CPEB3: variants seen among roughly 807,000 people sequenced by gnomAD.
CPEB3 encodes cytoplasmic polyadenylation element binding protein 3, also known as cytoplasmic polyadenylation element-binding protein 3.
A neutral mutation model predicts 67.2 loss-of-function variants in CPEB3; 20 were observed. The ratio of observed to expected loss-of-function variants is 0.30; its 90% CI spans 0.21 to 0.43. The LOEUF is 0.43. Among genes scored for constraint, CPEB3 ranks in the 20% least tolerant of loss-of-function variants. The pLI, the probability that CPEB3 is intolerant of heterozygous loss-of-function variation, is 1.00. For missense variants in CPEB3, 746 were observed against 968.6 expected, an observed-to-expected ratio of 0.77 and a Z score of 3.05; for synonymous variants, 376 against 393.1, an observed-to-expected ratio of 0.96 and a Z score of 0.51.
chr10:92,193,764 T>A (rs1319374316), intron 2 of CPEB3, among the ~76,000 whole-genome samples: 1 of 151,982 alleles, frequency 6.6e-6, no homozygotes, highest in African/African-American at 2.4e-5. Flanking sequence ...ATAATTTCAA[T>A]GAAAATGTAT....
chr10:92,193,159 C>G, intron 2 of CPEB3, among the ~76,000 whole-genome samples: 1 of 152,116 alleles, frequency 6.6e-6, no homozygotes, highest in South Asian at 2.1e-4. Flanking sequence ...TTGCAGTGAG[C>G]TGAGGTCACA....
intron 2 of CPEB3, among the ~76,000 whole-genome samples, chr10:92,218,835 A>T (rs756806995): frequency 1.6e-4 from 24 of 151,648 alleles, no homozygotes; most frequent in Admixed American, 3.3e-4. Flanking sequence ...CTCTTTTCAG[A>T]CAGGGTCTCA....
At chr10:92,076,167 T>C (rs1842925028) in intron 9 of CPEB3, 1 of 152,196 alleles carries the variant, frequency 6.6e-6, no homozygotes, top group Admixed American at 6.5e-5. Context: ...ATATTTATAA[T>C]GATGCAGACA....
chr10:92,224,519 A>G (rs1850865729), intron 2 of CPEB3, among the ~76,000 whole-genome samples: 1 of 151,946 alleles, frequency 6.6e-6, no homozygotes, highest in African/African-American at 2.4e-5. Flanking sequence ...CTCTCAGCAC[A>G]CCATGTTGTT....
intron 9 of CPEB3, among the ~76,000 whole-genome samples, chr10:92,064,049 G>GTTAGGA (rs1842459661): frequency 1.3e-5 from 2 of 152,164 alleles, no homozygotes; most frequent in Non-Finnish European, 2.9e-5. Context: ...AGAAGATGTA[G>GTTAGGA]TTAAGCAGCA....
intron 2 of CPEB3, among the ~76,000 whole-genome samples, chr10:92,197,840 G>A (rs575698270): frequency 6.6e-6 from 1 of 152,304 alleles, no homozygotes; most frequent in East Asian, 1.9e-4. Flanking sequence ...TGGGCGCAGT[G>A]GCTCACTCCT....
intron 7 of CPEB3, among the ~76,000 whole-genome samples, chr10:92,092,819 T>C (rs1185699924): frequency 1.3e-5 from 2 of 152,126 alleles, no homozygotes; most frequent in African/African-American, 2.4e-5. Context: ...TTTGGATTTA[T>C]CTGATTTTGA....
chr10:92,201,030 T>C (rs1849498923), intron 2 of CPEB3, among the ~76,000 whole-genome samples: 1 of 152,166 alleles, frequency 6.6e-6, no homozygotes, highest in Admixed American at 6.5e-5. Flanking sequence ...GGTAAACAGT[T>C]CATAGTTAAG....
intron 8 of CPEB3, among the ~76,000 whole-genome samples, chr10:92,085,227 G>C (rs1179226419): frequency 6.6e-6 from 1 of 152,316 alleles, no homozygotes; most frequent in Non-Finnish European, 1.5e-5. Context: ...AGGAAGTCGA[G>C]ACTTTCCAAA....
intron 2 of CPEB3, among the ~76,000 whole-genome samples, chr10:92,195,030 C>G (rs552015179): frequency 7.3e-6 from 1 of 137,522 alleles, no homozygotes; most frequent in Non-Finnish European, 1.5e-5. Context: ...GGCGACAGAG[C>G]GAGACTGTCT....
At chr10:92,247,257 G>A (rs1002811279) in intron 1 of CPEB3, among the ~76,000 whole-genome samples, 19 of 151,798 alleles carry the variant, frequency 1.3e-4, no homozygotes, top group African/African-American at 1.5e-4. Context: ...TTGCTGTGTC[G>A]CCCAAGCTGG....
At chr10:92,217,978 T>A (rs895820734) in intron 2 of CPEB3, among the ~76,000 whole-genome samples, 1 of 151,696 alleles carries the variant, frequency 6.6e-6, no homozygotes. Context: ...GGCATGATGG[T>A]CCACACCTGT....
Position 92,049,164 on chromosome 10 carries a change from A to G in CPEB3, c.*3048T>C, listed in dbSNP as rs1406485960. The G allele has an allele frequency of 1.3e-5, 2 of 152,638 alleles. No homozygotes were observed. Among genetic ancestry groups the G allele is most frequent in the Non-Finnish European group, 2.9e-5 (2 of 68,040 alleles). 9.5% of individuals were successfully genotyped at this position (152,638 alleles called of 1,614,324 possible). A position where few individuals can be genotyped will look rare whatever the true frequency, so the allele number is the denominator to read the frequency against. The stretch of plus-strand genomic sequence containing the variant: ...ATGATTTCAGTGAATCACAATGTCT[A>G]AAGTTTGCAATGAAAATAAATCTGC... On this transcript the variant is annotated 3_prime_UTR_variant, in exon 10 of 10. Transcript: ENST00000265997.
At chr10:92,209,881 G>A (rs1849989108) in intron 2 of CPEB3, among the ~76,000 whole-genome samples, 2 of 147,564 alleles carry the variant, frequency 1.4e-5, no homozygotes, top group African/African-American at 2.5e-5. Flanking sequence ...AGGCTGCAGT[G>A]AGCCAAGCTG....
At chr10:92,178,745 C>A (rs1317075621) in intron 4 of CPEB3, among the ~76,000 whole-genome samples, 2 of 152,102 alleles carry the variant, frequency 1.3e-5, no homozygotes, top group Admixed American at 6.5e-5. Context: ...TGTGTTTGTG[C>A]ATATGCTACA....
intron 1 of CPEB3, among the ~76,000 whole-genome samples, chr10:92,256,093 C>T (rs1852500402): frequency 6.6e-6 from 1 of 152,132 alleles, no homozygotes; most frequent in Non-Finnish European, 1.5e-5. Flanking sequence ...AAGTTAGGAA[C>T]CTGGACATGA....
intron 7 of CPEB3, among the ~76,000 whole-genome samples, chr10:92,093,433 T>TTTCAA (rs1445245307): frequency 9.9e-5 from 15 of 152,228 alleles, no homozygotes; most frequent in Non-Finnish European, 2.1e-4. Flanking sequence ...AGGTAGCACC[T>TTTCAA]GTGGCAATTA....
At chr10:92,210,698 A>T (rs552789937) in intron 2 of CPEB3, among the ~76,000 whole-genome samples, 30 of 152,358 alleles carry the variant, frequency 2.0e-4, no homozygotes, top group Non-Finnish European at 3.5e-4. Flanking sequence ...ATAATGTTAT[A>T]ATTGTGTTGA....
intron 2 of CPEB3, among the ~76,000 whole-genome samples, chr10:92,198,371 CCCTCACTTG>C (rs570573668): frequency 7.8e-4 from 119 of 152,308 alleles, no homozygotes; most frequent in African/African-American, 2.6e-3. Context: ...AGCAACTTGA[CCCTCACTTG>C]CCCTTGGTCA....
Sources: gnomAD v4.1 joint callset for allele counts (sites outside exome capture counted in the v4.1 genomes callset) on GRCh38, gnomAD v4.1.1 for gene constraint, MANE v1.5 for transcripts, NCBI Gene and HGNC (gene_info 2026-07-23, HGNC 2026-07-21) for gene names.